ZNF320: variants seen among roughly 807,000 people sequenced by gnomAD.
ZNF320 encodes the protein zinc finger gene 320.
A neutral mutation model predicts 6.8 loss-of-function variants in ZNF320; 2 were observed. That is an observed-to-expected ratio of 0.29 (90% CI 0.12 to 0.93). The LOEUF is 0.93. Among genes scored for constraint, ZNF320 ranks in the 40% least tolerant of loss-of-function variants. The pLI is 0.55. For missense variants in ZNF320, 472 were observed against 611.0 expected, an observed-to-expected ratio of 0.77 and a Z score of 2.40; for synonymous variants, 208 against 203.2, an observed-to-expected ratio of 1.02 and a Z score of -0.20.
At chr19:52,870,760 A>T (rs2063667177) in intron 5 of ZNF320, among the ~76,000 whole-genome samples, 1 of 152,046 alleles carries the variant, frequency 6.6e-6, no homozygotes, top group Non-Finnish European at 1.5e-5. Flanking sequence ...AGGGAGACTC[A>T]ACTAAAAAAA....
chr19:52,883,390 T>G (rs1312372337), intron 5 of ZNF320, among the ~76,000 whole-genome samples: 1 of 152,054 alleles, frequency 6.6e-6, no homozygotes, highest in African/African-American at 2.4e-5. Context: ...AGGGAGTGTG[T>G]CAGTTATATT....
upstream of ZNF320, among the ~76,000 whole-genome samples, chr19:52,900,922 TTA>T (rs199969817): frequency 0.01 from 1,191 of 115,818 alleles, 13 homozygotes; most frequent in African/African-American, 0.032. Context: ...ATTTTTTTTT[TTA>T]ACTGTGTAAC....
chr19:52,865,652 T>C (rs1374446103), intron 5 of ZNF320, among the ~76,000 whole-genome samples: 5 of 128,744 alleles, frequency 3.9e-5, no homozygotes, highest in African/African-American at 1.5e-4. Context: ...TATATTTATA[T>C]ATGATTATAC....
chr19:52,859,952 A>G (rs887653894), downstream of ZNF320, among the ~76,000 whole-genome samples: 19 of 144,418 alleles, frequency 1.3e-4, no homozygotes, highest in Non-Finnish European at 2.4e-4. Flanking sequence ...TCGCTCTGTC[A>G]CCCAGGCTGG....
At chr19:52,866,844 T>G (rs2063581432) in intron 5 of ZNF320, among the ~76,000 whole-genome samples, 1 of 128,810 alleles carries the variant, frequency 7.8e-6, no homozygotes, top group Non-Finnish European at 1.6e-5. Flanking sequence ...GTTGACAGGG[T>G]GAGACACCTG....
At chr19:52,872,765 T>G (rs1379641678), downstream of ZNF320, among the ~76,000 whole-genome samples, 2 of 152,232 alleles carry the variant, frequency 1.3e-5, no homozygotes, top group East Asian at 3.9e-4. Context: ...CCTCCCAAAT[T>G]GCTGGGATTA....
rs990579052 is a variant in ZNF320, at chr19:52,881,681, G to A, written c.445C>T (p.Arg149Ter). 4 of 1,613,742 alleles carry A rather than the reference G, an allele frequency of 2.5e-6. No individual in the cohort carries two copies. The African/African-American group carries it at 4.0e-5, about 16-fold the overall frequency. The change falls in exon 6 of 6, where the codon CGA becomes TGA. Residue 149 changes from arginine (R) to a stop codon, truncating the protein, a stop_gained. Transcript: ENST00000682928. LOFTEE classifies it low-confidence loss of function (END_TRUNC). ...CCAGTATGAATTCTCCTATGTCTTC[G>A]CAAATGCAAATGAAATCTTGATTCA... ...QLESRFHLHL[R>*]RHRRIHTGEK...
intron 5 of ZNF320, among the ~76,000 whole-genome samples, chr19:52,887,621 C>G (rs942978610): frequency 1.3e-5 from 2 of 152,174 alleles, no homozygotes; most frequent in Non-Finnish European, 2.9e-5. Context: ...CAGTCTTGCT[C>G]TGTCGTCTGG....
chr19:52,894,439 C>T (rs28589500), intron 1 of ZNF320, among the ~76,000 whole-genome samples: 18,938 of 150,544 alleles, frequency 0.13, 1,337 homozygotes, highest in East Asian at 0.28. Flanking sequence ...ATCTTTTATA[C>T]ACCTGAGCAA....
upstream of ZNF320, among the ~76,000 whole-genome samples, chr19:52,900,307 C>A (rs1415142464): frequency 1.3e-5 from 2 of 152,126 alleles, no homozygotes; most frequent in Non-Finnish European, 2.9e-5. Context: ...AACTAAGCCG[C>A]CTTACAGGAT....
At chr19:52,894,690 G>C (rs2064418722) in intron 1 of ZNF320, among the ~76,000 whole-genome samples, 1 of 151,894 alleles carries the variant, frequency 6.6e-6, no homozygotes, top group Non-Finnish European at 1.5e-5. Flanking sequence ...TGGTCCACAT[G>C]GTAAAACCCG....
At chr19:52,890,357 CT>C (rs1168568850) in intron 3 of ZNF320, 29 bp from the exon 4 acceptor site, 14 of 1,477,890 alleles carry the variant, frequency 9.5e-6, no homozygotes, top group Non-Finnish European at 1.3e-5. Flanking sequence ...TTGTTTATCA[CT>C]GAGAATCAAC....
Position 52,863,404 on chromosome 19 carries a change from G to C in ZNF320, c.*625C>G, listed in dbSNP as rs148068074. 5.2e-3 allele frequency among the ~76,000 whole-genome samples: 796 copies of C among 151,724 alleles called. 8 individuals are homozygous for C. The highest frequency in any genetic ancestry group is 0.016 in the African/African-American group (677 of 41,374). On this transcript the variant is annotated 3_prime_UTR_variant, in exon 6 of 6. Coordinates refer to the ZNF320 transcript ENST00000673631. ...ACGAGGTCAGGAGTTCAAGACCATT[G>C]TGGCCAACATGGTGAAAACCTGTCT...
chr19:52,901,598 G>A (rs1376926343), upstream of ZNF320, among the ~76,000 whole-genome samples: 1 of 152,232 alleles, frequency 6.6e-6, no homozygotes, highest in East Asian at 1.9e-4. Context: ...TGGGCTCTTT[G>A]ATACTAGGAG....
At chr19:52,863,575 C>T (rs562185761) in exon 6 of ZNF320, among the ~76,000 whole-genome samples, 1 of 151,050 alleles carries the variant, frequency 6.6e-6, no homozygotes, top group African/African-American at 2.4e-5. Context: ...TGCACTCCAG[C>T]CTGGGCTACA....
intron 2 of ZNF320, among the ~76,000 whole-genome samples, chr19:52,892,793 T>C (rs62117508): frequency 9.7e-4 from 147 of 151,618 alleles, no homozygotes; most frequent in Non-Finnish European, 1.8e-3. Context: ...GATCCCCAGG[T>C]GTCCTCCCTG....
rs1028712976 is a variant in ZNF320 at position 52,881,239 on chromosome 19, G to A, written c.887C>T (p.Thr296Ile). The change falls in exon 6 of 6, where the codon ACT (threonine) becomes ATT (isoleucine). Residue 296 changes from threonine (T) to isoleucine (I), a missense_variant. By Grantham distance (89) the Thr-to-Ile change is moderately conservative. Coordinates refer to ENST00000682928, the MANE Select transcript of ZNF320 (RefSeq NM_001351774.2). ...ATTACACTTATAGGGTTTCTCTGCAGTATGAACTGCCTTATGAATTACGAG... is the reference window on the plus strand; with the variant it reads ...ATTACACTTATAGGGTTTCTCTGCAATATGAACTGCCTTATGAATTACGAG... ...SVLVIHKAVH[T>I]AEKPYKCNEC... is the part of the protein sequence containing the mutation. 1 of 1,614,060 alleles carries A rather than the reference G, an allele frequency of 6.2e-7. No individual in the cohort carries two copies. Among genetic ancestry groups the A allele is most frequent in the South Asian group, 1.1e-5 (1 of 91,084 alleles).
intron 5 of ZNF320, among the ~76,000 whole-genome samples, chr19:52,865,207 A>AGCT (rs1207003493): frequency 6.6e-6 from 1 of 151,712 alleles, no homozygotes; most frequent in Admixed American, 6.6e-5. Context: ...CTGTAATCCC[A>AGCT]GCTACTGGGG....
At chr19:52,866,887 A>G (rs982022474) in intron 5 of ZNF320, among the ~76,000 whole-genome samples, 39 of 150,448 alleles carry the variant, frequency 2.6e-4, no homozygotes, top group Non-Finnish European at 4.3e-4. Context: ...AAAAAAAAAA[A>G]AAAGAAAAGA....
Sources: gnomAD v4.1 joint callset for allele counts (sites outside exome capture counted in the v4.1 genomes callset) on GRCh38, gnomAD v4.1.1 for gene constraint, MANE v1.5 for transcripts, NCBI Gene and HGNC (gene_info 2026-07-23, HGNC 2026-07-21) for gene names.